The following SRP9 variants were observed in gnomAD, a reference collection of about 807,000 sequenced individuals.
The protein encoded by SRP9 is signal recognition particle 9 kDa protein.
In SRP9, 2 loss-of-function variants were observed where a neutral mutation model predicts 11.7. The observed-to-expected ratio is 0.17, with a 90% CI of 0.07 to 0.54. The LOEUF (loss-of-function observed/expected upper bound fraction) is 0.54, where lower values mean the gene tolerates loss of function less well. Ranked by LOEUF, SRP9 falls within the 20% of genes least tolerant of loss-of-function variation. The pLI is 0.94. For synonymous variants in SRP9, 27 were observed against 35.6 expected (o/e 0.76, Z 0.86); for missense variants, 54 against 108.1 (o/e 0.50, Z 2.22).
chr1:225,784,229 C>CTTTTTTTTTTTTTTTTTTT lies in SRP9; in HGVS notation c.141+878_141+896dup, dbSNP rs561503475. 8.7e-5 allele frequency among the ~76,000 whole-genome samples: 3 copies of CTTTTTTTTTTTTTTTTTTT among 34,458 alleles called. 1 individual carries two copies. The highest frequency in any genetic ancestry group is 1.4e-3 in the East Asian group (2 of 1,438). The allele number at this position is 34,458 out of a possible 152,430, so 22.6% of individuals were successfully genotyped here. On this transcript the variant is annotated intron_variant, in intron 2 of 2. Transcript: ENST00000304786. ...TCTACAGTGGAGTTTATCACCTGTTCTTTTTTTTTTTTTTTTTTTTTTTTT... is the reference window on the plus strand; with the variant it reads ...TCTACAGTGGAGTTTATCACCTGTTCTTTTTTTTTTTTTTTTTTTTTTTTTTTTTTTTTTTTTTTTTTTT...
chr1:225,785,275 C>T (rs962566467), intron 2 of SRP9, among the ~76,000 whole-genome samples: 35 of 141,144 alleles, frequency 2.5e-4, no homozygotes, highest in Non-Finnish European at 4.3e-4. Context: ...ACGGGGTTTT[C>T]ACCATGTTGA....
At position 225,777,840 on chromosome 1, in the gene SRP9, G is replaced by A. The variant is rs1665710755; in HGVS notation, c.-101G>A. The A allele has an allele frequency of 8.4e-7, 1 of 1,185,842 alleles. No individual in the cohort carries two copies. The highest frequency in any genetic ancestry group is 1.2e-6 in the Non-Finnish European group (1 of 814,450). 73.5% of individuals were successfully genotyped at this position (1,185,842 alleles called of 1,614,324 possible). ...TGCGAGGAGGCGCCGCCATCTTGGG[G>A]CTGCTGGGACTCGCGTCGGTTGGCG... is the stretch of plus-strand genomic sequence containing the variant. On this transcript the variant is annotated 5_prime_UTR_variant, in exon 1 of 3. Transcript: ENST00000304786.
chr1:225,787,505 G>A (rs2102652096), intron 2 of SRP9, among the ~76,000 whole-genome samples: 1 of 152,226 alleles, frequency 6.6e-6, no homozygotes, highest in East Asian at 1.9e-4. Flanking sequence ...CTGCACTCTA[G>A]CCTGGGTGAC....
intron 1 of SRP9, among the ~76,000 whole-genome samples, chr1:225,779,232 C>T (rs752740887): frequency 4.6e-5 from 7 of 151,810 alleles, no homozygotes; most frequent in Non-Finnish European, 8.8e-5. Flanking sequence ...GCAACCTCCA[C>T]TTCCTGGGTT....
At chr1:225,785,003 T>G (rs1200946677) in intron 2 of SRP9, among the ~76,000 whole-genome samples, 1 of 151,964 alleles carries the variant, frequency 6.6e-6, no homozygotes, top group African/African-American at 2.4e-5. Context: ...CTTGAACTCC[T>G]GGCTTCAAGC....
At chr1:225,787,801 T>TCA (rs1665947432) in intron 2 of SRP9, among the ~76,000 whole-genome samples, 4 of 152,152 alleles carry the variant, frequency 2.6e-5, no homozygotes, top group African/African-American at 9.7e-5. Context: ...GTGCTAAAAT[T>TCA]TTGATGATGA....
chr1:225,779,910 A>G (rs1317670281), intron 1 of SRP9, among the ~76,000 whole-genome samples: 1 of 152,244 alleles, frequency 6.6e-6, no homozygotes, highest in Non-Finnish European at 1.5e-5. Context: ...ATATAAATTC[A>G]CATCAAGAGT....
chr1:225,779,079 G>A (rs899809826), intron 1 of SRP9, among the ~76,000 whole-genome samples: 11 of 151,324 alleles, frequency 7.3e-5, no homozygotes, highest in African/African-American at 2.7e-4. Flanking sequence ...CCTCGGAGAA[G>A]AAAGAAAATT....
At chr1:225,780,656 C>T (rs1665776923) in intron 1 of SRP9, among the ~76,000 whole-genome samples, 1 of 152,054 alleles carries the variant, frequency 6.6e-6, no homozygotes, top group African/African-American at 2.4e-5. Context: ...GAAATTTGGA[C>T]CCAGATCTTT....
chr1:225,778,571 A>T (rs1477531112), intron 1 of SRP9, among the ~76,000 whole-genome samples: 1 of 152,316 alleles, frequency 6.6e-6, no homozygotes, highest in African/African-American at 2.4e-5. Flanking sequence ...GTAAATGTAT[A>T]AGTAAATGTT....
chr1:225,790,190 C>T lies in SRP9; in HGVS notation c.*831C>T, dbSNP rs1170119187. 1.3e-5 allele frequency: 2 copies of T among 152,196 alleles called. No homozygotes were observed. The highest frequency in any genetic ancestry group is 1.3e-4 in the Admixed American group (2 of 15,282). 9.4% of individuals were successfully genotyped at this position (152,196 alleles called of 1,614,324 possible). On this transcript the variant is annotated 3_prime_UTR_variant, in exon 3 of 3. Coordinates refer to ENST00000304786, the MANE Select transcript of SRP9 (RefSeq NM_003133.6). The stretch of plus-strand genomic sequence containing the variant: ...TGCATACTTCTGTGACACCCCTGCC[C>T]ATTTTCTGTCTTTAATTAACCAAGG...
In SRP9 at chr1:225,789,578, T is replaced by C. The variant is rs1665987343; in HGVS notation, c.*219T>C. The C allele has an allele frequency of 2.6e-6, 1 of 381,146 alleles. No homozygotes were observed. The highest frequency in any genetic ancestry group is 2.1e-5 in the African/African-American group (1 of 48,154). The allele number at this position is 381,146 out of a possible 1,614,324, so 23.6% of individuals were successfully genotyped here. A position where few individuals can be genotyped will look rare whatever the true frequency, so the allele number is the denominator to read the frequency against. On this transcript the variant is annotated 3_prime_UTR_variant, in exon 3 of 3. Transcript: ENST00000304786. ...TTACTTTTGGAAATTGAACAAGAAATGCATCTGTCTTAGAAACTGGAGATT... is the reference window on the plus strand; with the variant it reads ...TTACTTTTGGAAATTGAACAAGAAACGCATCTGTCTTAGAAACTGGAGATT...
At position 225,789,623 on chromosome 1, in the gene SRP9, A is replaced by T. The variant is rs1247108429; in HGVS notation, c.*264A>T. 4.1e-6 allele frequency: 1 copy of T among 243,880 alleles called. No homozygotes were observed. Among genetic ancestry groups the T allele is most frequent in the Non-Finnish European group, 7.9e-6 (1 of 126,756 alleles). The allele number at this position is 243,880 out of a possible 1,614,324, so 15.1% of individuals were successfully genotyped here. On this transcript the variant is annotated 3_prime_UTR_variant, in exon 3 of 3. Coordinates refer to ENST00000304786, the MANE Select transcript of SRP9 (RefSeq NM_003133.6). ...GAGATTATTTGATGTTAGGTAAAACATGTAATTGTTTCTCTGGCAAATTTG... is the reference window on the plus strand; with the variant it reads ...GAGATTATTTGATGTTAGGTAAAACTTGTAATTGTTTCTCTGGCAAATTTG...
rs1315991606 is a variant in SRP9, at chr1:225,790,119, G to A, written c.*760G>A. 1 of 152,122 alleles carries A rather than the reference G, an allele frequency of 6.6e-6. No homozygotes were observed. Among genetic ancestry groups the A allele is most frequent in the Non-Finnish European group, 1.5e-5 (1 of 68,010 alleles). The allele number at this position is 152,122 out of a possible 1,614,324, so 9.4% of individuals were successfully genotyped here. On this transcript the variant is annotated 3_prime_UTR_variant, in exon 3 of 3. Transcript: ENST00000304786. ...AATATTTACTACATATTTTCCATCT[G>A]TAGTTTCTCAGAAGGGCTATGGATT...
At chr1:225,780,178 A>ATTTT (rs67816765) in intron 1 of SRP9, among the ~76,000 whole-genome samples, 10 of 130,182 alleles carry the variant, frequency 7.7e-5, no homozygotes, top group African/African-American at 8.8e-5. Flanking sequence ...TGCCTGCCTA[A>ATTTT]TTTTTTTTTT....
intron 2 of SRP9, 184 bp from the exon 3 acceptor site, chr1:225,789,056 C>T: frequency 1.3e-6 from 2 of 1,551,038 alleles, no homozygotes; most frequent in South Asian, 1.2e-5. Context: ...AATTACTGTA[C>T]TTTAAGACAT....
At chr1:225,778,812 C>T (rs917077082) in intron 1 of SRP9, among the ~76,000 whole-genome samples, 3 of 152,222 alleles carry the variant, frequency 2.0e-5, no homozygotes, top group Admixed American at 2.0e-4. Context: ...AGTTCTGCTT[C>T]TTTTTAGAAC....
chr1:225,778,025 C>T lies in SRP9; in HGVS notation c.72+13C>T, dbSNP rs1263332503. 8.1e-6 allele frequency: 13 copies of T among 1,613,928 alleles called. No individual in the cohort carries two copies. Among genetic ancestry groups the T allele is most frequent in the Admixed American group, 6.7e-5 (4 of 59,998 alleles). On this transcript the variant is annotated intron_variant, in intron 1 of 2. Transcript: ENST00000304786. The stretch of plus-strand genomic sequence containing the variant: ...TGACCCTATGAAGGTAAATCGCTGG[C>T]GGGGCCGCTGCTTTGGGCCCCAGCC...
At chr1:225,783,189 G>A (rs1001200822) in intron 1 of SRP9, 111 bp from the exon 2 acceptor site, 21 of 727,654 alleles carry the variant, frequency 2.9e-5, no homozygotes, top group Non-Finnish European at 4.5e-5. Flanking sequence ...GCCTTTAGAT[G>A]TTTGGGGGTA....
Sources: gnomAD v4.1 joint callset for allele counts (sites outside exome capture counted in the v4.1 genomes callset) on GRCh38, gnomAD v4.1.1 for gene constraint, MANE v1.5 for transcripts, NCBI Gene and HGNC (gene_info 2026-07-23, HGNC 2026-07-21) for gene names.